Variants in KIAA1958 observed in about 807,000 individuals in gnomAD.
KIAA1958 encodes the protein uncharacterized protein KIAA1958.
KIAA1958 carries 14 observed loss-of-function variants against 47.2 expected under a neutral mutation model. The observed-to-expected ratio is 0.30, with a 90% CI of 0.20 to 0.46. The LOEUF (loss-of-function observed/expected upper bound fraction) is 0.46. KIAA1958 is among the 20% of genes least tolerant of loss of function. KIAA1958 has a pLI of 1.00. For synonymous variants in KIAA1958, 354 were observed against 353.3 expected (o/e 1.00, Z -0.02); for missense variants, 803 against 909.2 (o/e 0.88, Z 1.50).
chr9:112,553,231 G>T (rs1835187548), intron 1 of KIAA1958, among the ~76,000 whole-genome samples: 1 of 148,016 alleles, frequency 6.8e-6, no homozygotes, highest in Non-Finnish European at 1.5e-5. Flanking sequence ...TGTCACCCAG[G>T]CCAGAGTGCA....
At chr9:112,589,125 A>G (rs913830994) in intron 2 of KIAA1958, among the ~76,000 whole-genome samples, 13 of 152,204 alleles carry the variant, frequency 8.5e-5, no homozygotes, top group Non-Finnish European at 1.5e-5. Flanking sequence ...TCCTTTTGCA[A>G]GGGTTATAGC....
chr9:112,587,084 A>G (rs947098112), intron 2 of KIAA1958, among the ~76,000 whole-genome samples: 5 of 152,146 alleles, frequency 3.3e-5, no homozygotes, highest in Non-Finnish European at 7.3e-5. Context: ...TTCAATATAG[A>G]TCATATTTAT....
At chr9:112,622,986 A>G (rs529913767) in intron 2 of KIAA1958, among the ~76,000 whole-genome samples, 5 of 152,336 alleles carry the variant, frequency 3.3e-5, no homozygotes, top group East Asian at 1.9e-4. Context: ...AAAAAACTCT[A>G]TGCTAATACT....
intron 2 of KIAA1958, among the ~76,000 whole-genome samples, chr9:112,621,708 C>T (rs572593381): frequency 1.1e-4 from 17 of 152,246 alleles, no homozygotes; most frequent in African/African-American, 4.1e-4. Context: ...TGAATGATGG[C>T]TTGGTAGAAG....
In KIAA1958 at chr9:112,632,608, G is replaced by A. The variant is rs191888899; in HGVS notation, c.1172-13042G>A. On this transcript the variant is annotated intron_variant, in intron 2 of 3. Coordinates refer to ENST00000337530, the MANE Select transcript of KIAA1958 (RefSeq NM_133465.4). Reference sequence around the variant, plus strand: ...TTAATTATAATGCCTATTTTTTAATGCATTTTGTTATTTGTATTTGTTCTG... The same window carrying A: ...TTAATTATAATGCCTATTTTTTAATACATTTTGTTATTTGTATTTGTTCTG... 8.4e-3 allele frequency among the ~76,000 whole-genome samples: 1,277 copies of A among 152,054 alleles called. 19 individuals carry two copies. Among genetic ancestry groups the A allele is most frequent in the Non-Finnish European group, 0.013 (891 of 67,962 alleles).
At chr9:112,572,814 A>G (rs1019115556) in intron 1 of KIAA1958, among the ~76,000 whole-genome samples, 5 of 152,220 alleles carry the variant, frequency 3.3e-5, no homozygotes, top group Non-Finnish European at 7.3e-5. Flanking sequence ...AGAGACCTTA[A>G]TAGTATGTTA....
intron 1 of KIAA1958, among the ~76,000 whole-genome samples, chr9:112,549,803 G>C (rs1485933841): frequency 1.3e-5 from 2 of 152,190 alleles, no homozygotes; most frequent in African/African-American, 4.8e-5. Context: ...CGACTTGGAG[G>C]TGGGTGTATG....
intron 2 of KIAA1958, among the ~76,000 whole-genome samples, chr9:112,584,556 T>C (rs1274196307): frequency 6.6e-6 from 1 of 152,232 alleles, no homozygotes; most frequent in East Asian, 1.9e-4. Flanking sequence ...ATTTGAGAAT[T>C]ATCCTCACAA....
intron 2 of KIAA1958, among the ~76,000 whole-genome samples, chr9:112,578,937 A>G (rs1414301376): frequency 3.3e-5 from 5 of 152,014 alleles, no homozygotes; most frequent in African/African-American, 1.2e-4. Flanking sequence ...GATTTTGTGT[A>G]AGGATCCCTT....
At chr9:112,523,286 C>CA (rs1460651320) in intron 1 of KIAA1958, among the ~76,000 whole-genome samples, 1 of 151,936 alleles carries the variant, frequency 6.6e-6, no homozygotes, top group Non-Finnish European at 1.5e-5. Context: ...CCTTCCTCTA[C>CA]AAAAAAATAC....
rs1837288562 is a variant in KIAA1958 at position 112,662,266 on chromosome 9, A to C, written c.*2197A>C. 6.6e-6 allele frequency: 1 copy of C among 152,230 alleles called. No homozygotes were observed. The allele number at this position is 152,230 out of a possible 1,614,324, so 9.4% of individuals were successfully genotyped here. A position where few individuals can be genotyped will look rare whatever the true frequency, so the allele number is the denominator to read the frequency against. ...GCGAATCTTCAGTGGCATCTGATGG[A>C]ATGAAAGAACTGTGTCTGAGCAGCC... On this transcript the variant is annotated 3_prime_UTR_variant, in exon 4 of 4. Coordinates refer to ENST00000337530, the MANE Select transcript of KIAA1958 (RefSeq NM_133465.4).
At chr9:112,511,270 T>A (rs1168498016) in intron 1 of KIAA1958, among the ~76,000 whole-genome samples, 1 of 152,198 alleles carries the variant, frequency 6.6e-6, no homozygotes, top group Non-Finnish European at 1.5e-5. Flanking sequence ...CAGACAGACA[T>A]ACTGAATCAG....
chr9:112,607,712 CT>C (rs1187724511), intron 2 of KIAA1958, among the ~76,000 whole-genome samples: 1 of 133,084 alleles, frequency 7.5e-6, no homozygotes, highest in African/African-American at 2.9e-5. Flanking sequence ...GTTATTGCCC[CT>C]CATTGATAAA....
intron 2 of KIAA1958, among the ~76,000 whole-genome samples, chr9:112,601,154 T>G (rs996435621): frequency 6.6e-6 from 1 of 152,202 alleles, no homozygotes; most frequent in Admixed American, 6.5e-5. Flanking sequence ...GTAGACAGTT[T>G]TGAACTTAAG....
intron 3 of KIAA1958, among the ~76,000 whole-genome samples, chr9:112,650,060 G>GA (rs202144418): frequency 1.5e-4 from 23 of 151,148 alleles, no homozygotes; most frequent in Non-Finnish European, 2.7e-4. Context: ...CAGAAAAAAA[G>GA]AAAAAAAACT....
intron 3 of KIAA1958, 45 bp downstream of exon 3, chr9:112,645,867 C>T: frequency 6.4e-7 from 1 of 1,559,564 alleles, no homozygotes; most frequent in Non-Finnish European, 8.8e-7. Context: ...CTTCACTGAG[C>T]TTCCAAATGC....
intron 2 of KIAA1958, among the ~76,000 whole-genome samples, chr9:112,589,404 C>G (rs1341574824): frequency 6.6e-6 from 1 of 152,090 alleles, no homozygotes. Flanking sequence ...CAAGACCAGC[C>G]TGACCAACAT....
At position 112,580,472 on chromosome 9, in the gene KIAA1958, T is replaced by C. The variant is rs142832147; in HGVS notation, c.1171+5221T>C. Among the ~76,000 whole-genome samples the C allele has an allele frequency of 1.6e-4, 24 of 152,178 alleles. No homozygotes were observed. In the East Asian group the frequency reaches 4.6e-3, roughly 29 times the overall value. ...ATATATTTCTTTATTCCATGAGAAA[T>C]ATATGCCTCTTCTTACAAGAAGAAA... On this transcript the variant is annotated intron_variant, in intron 2 of 3. Transcript: ENST00000337530.
intron 1 of KIAA1958, among the ~76,000 whole-genome samples, chr9:112,494,173 T>C (rs907996231): frequency 1.6e-4 from 24 of 152,216 alleles, no homozygotes; most frequent in Non-Finnish European, 3.5e-4. Context: ...GGGCTTTTTC[T>C]TCATATTTAA....
Sources: gnomAD v4.1 joint callset for allele counts (sites outside exome capture counted in the v4.1 genomes callset) on GRCh38, gnomAD v4.1.1 for gene constraint, MANE v1.5 for transcripts, NCBI Gene and HGNC (gene_info 2026-07-23, HGNC 2026-07-21) for gene names.